The following DYM variants were observed in gnomAD, a reference collection of about 807,000 sequenced individuals.
The protein encoded by DYM is dyggve-Melchior-Clausen syndrome protein.
A neutral mutation model predicts 93.1 loss-of-function variants in DYM; 78 were observed. The ratio of observed to expected loss-of-function variants is 0.84; its 90% CI spans 0.70 to 1.01. DYM has a LOEUF of 1.01. Ranked by LOEUF, DYM falls within the 50% of genes least tolerant of loss-of-function variation. The probability of loss-of-function intolerance (pLI) is 0.00; values close to 1 mark genes in which losing one functional copy is unlikely to be tolerated. For synonymous variants in DYM, 321 were observed against 319.7 expected (o/e 1.00, Z -0.04); for missense variants, 789 against 845.0 (o/e 0.93, Z 0.82).
At chr18:49,132,442 A>G (rs1319653853) in intron 15 of DYM, among the ~76,000 whole-genome samples, 1 of 152,152 alleles carries the variant, frequency 6.6e-6, no homozygotes, top group African/African-American at 2.4e-5. Flanking sequence ...GAGAATAACC[A>G]TGAAAAAAGG....
rs187986588 is a variant in DYM, at chr18:49,167,145, A to C, written c.1626-3358T>G. On this transcript the variant is annotated intron_variant, in intron 14 of 17. Coordinates refer to ENST00000675505, the MANE Select transcript of DYM (RefSeq NM_001353214.3). ...TAAACAGTCCTAGGGACCAGAGCAAAAAACACTTGAAACTGTTTCTTTTAG... is the reference window on the plus strand; with the variant it reads ...TAAACAGTCCTAGGGACCAGAGCAACAAACACTTGAAACTGTTTCTTTTAG... Among the ~76,000 whole-genome samples the C allele has an allele frequency of 2.3e-3, 350 of 152,138 alleles. 1 individual carries two copies. The highest frequency in any genetic ancestry group is 3.4e-3 in the Non-Finnish European group (234 of 67,986).
At chr18:49,350,574 C>T (rs142527237) in intron 6 of DYM, among the ~76,000 whole-genome samples, 6 of 151,952 alleles carry the variant, frequency 3.9e-5, no homozygotes, top group South Asian at 4.2e-4. Flanking sequence ...AGCATGGTGG[C>T]GGGCGCCTGT....
intron 17 of DYM, among the ~76,000 whole-genome samples, chr18:49,068,706 T>C (rs931382022): frequency 9.9e-5 from 15 of 152,278 alleles, no homozygotes; most frequent in East Asian, 3.9e-4. Context: ...AGAAATTCCT[T>C]TTTTTCCCTT....
chr18:49,418,445 A>C (rs189584677), intron 2 of DYM, among the ~76,000 whole-genome samples: 3 of 152,308 alleles, frequency 2.0e-5, no homozygotes, highest in African/African-American at 7.2e-5. Flanking sequence ...TAATTTTAAC[A>C]GGGTGAAAAA....
intron 8 of DYM, among the ~76,000 whole-genome samples, chr18:49,303,509 C>T (rs902720304): frequency 6.6e-6 from 1 of 152,182 alleles, no homozygotes; most frequent in African/African-American, 2.4e-5. Context: ...AGAGACAGAT[C>T]TGCAAGTGGA....
intron 6 of DYM, chr18:49,359,904 G>C (rs2065877763): frequency 6.6e-6 from 1 of 152,120 alleles, no homozygotes; most frequent in South Asian, 2.1e-4. Context: ...TACAGTTAGA[G>C]GAAATGAAAC....
chr18:49,358,991 C>G (rs2065798975), intron 6 of DYM, among the ~76,000 whole-genome samples: 1 of 152,174 alleles, frequency 6.6e-6, no homozygotes, highest in Admixed American at 6.5e-5. Context: ...TATGGCCACA[C>G]CTGACTCCAC....
intron 8 of DYM, among the ~76,000 whole-genome samples, chr18:49,313,497 A>T (rs888818086): frequency 2.9e-5 from 4 of 138,832 alleles, no homozygotes; most frequent in African/African-American, 8.4e-5. Context: ...AAAAAAAAAA[A>T]GGGCTGCAGT....
Position 49,430,371 on chromosome 18 carries a change from G to A in DYM, c.24C>T (p.Ile8=), listed in dbSNP as rs759732045. Residue 8 remains isoleucine, a synonymous_variant, in exon 2 of 18, where the codon ATC becomes ATT. Coordinates refer to ENST00000675505, the MANE Select transcript of DYM (RefSeq NM_001353214.3). ...AGTACTCATTTTTAGGAAGATCGCCGATTCTGCTGCTATTCGATCCCATCT... is the reference window on the plus strand; with the variant it reads ...AGTACTCATTTTTAGGAAGATCGCCAATTCTGCTGCTATTCGATCCCATCT... MGSNSSR[I]GDLPKNEYLK... The A allele has an allele frequency of 1.8e-5, 29 of 1,613,636 alleles. No homozygotes were observed. The highest frequency in any genetic ancestry group is 1.6e-4 in the Middle Eastern group (1 of 6,082).
chr18:49,080,143 G>A (rs1371384033), intron 17 of DYM, among the ~76,000 whole-genome samples: 1 of 34,768 alleles, frequency 2.9e-5, no homozygotes, highest in East Asian at 5.7e-4. Context: ...CGGACGGGGC[G>A]GCTGGCCGGG....
chr18:49,036,566 T>C lies in DYM; in HGVS notation c.*7489A>G, dbSNP rs539918976. Among the ~76,000 whole-genome samples the C allele has an allele frequency of 4.6e-5, 7 of 152,282 alleles. No homozygotes were observed. The highest frequency in any genetic ancestry group is 1.7e-4 in the African/African-American group (7 of 41,548). On this transcript the variant is annotated 3_prime_UTR_variant, in exon 18 of 18. Transcript: ENST00000675505. ...TTCTCTTAAATATGTATACATATTT[T>C]TGAGACACGGTCTCTCACTCCATTG...
chr18:49,161,715 G>A (rs903923391), intron 15 of DYM, among the ~76,000 whole-genome samples: 2 of 152,142 alleles, frequency 1.3e-5, no homozygotes, highest in African/African-American at 2.4e-5. Context: ...AATACCTTAA[G>A]GGGATGACAG....
intron 15 of DYM, among the ~76,000 whole-genome samples, chr18:49,142,979 C>T (rs549872202): frequency 9.8e-4 from 149 of 152,290 alleles, no homozygotes; most frequent in Middle Eastern, 6.8e-3. Context: ...AGATCAATTT[C>T]GTTCAGGAAG....
chr18:49,307,273 T>C (rs568915733), intron 8 of DYM, among the ~76,000 whole-genome samples: 95 of 152,190 alleles, frequency 6.2e-4, no homozygotes, highest in Middle Eastern at 3.4e-3. Flanking sequence ...CATTGCCTCA[T>C]CATGGTCAAA....
chr18:49,362,044 T>TA (rs2066073702), intron 6 of DYM, among the ~76,000 whole-genome samples: 1 of 150,176 alleles, frequency 6.7e-6, no homozygotes, highest in South Asian at 2.1e-4. Flanking sequence ...TTTTTTTTTT[T>TA]AAGTAGAGAC....
chr18:49,377,938 T>G (rs557603089), intron 5 of DYM, among the ~76,000 whole-genome samples: 21 of 152,218 alleles, frequency 1.4e-4, no homozygotes, highest in Non-Finnish European at 2.6e-4. Flanking sequence ...GTCAGCCTGA[T>G]GAGGGCAGAG....
At chr18:49,329,605 A>C (rs1279456398) in intron 8 of DYM, 2 of 152,212 alleles carry the variant, frequency 1.3e-5, no homozygotes, top group Non-Finnish European at 2.9e-5. Flanking sequence ...CAAGTGGTTC[A>C]CTACTCATCC....
At chr18:49,046,291 A>G (rs1331926777) in intron 17 of DYM, among the ~76,000 whole-genome samples, 1 of 143,152 alleles carries the variant, frequency 7.0e-6, no homozygotes, top group Non-Finnish European at 1.5e-5. Flanking sequence ...CAACACACCC[A>G]GACATGCGCG....
rs1054882878 is a variant in DYM at position 49,340,055 on chromosome 18, G to A, written c.495-6202C>T. 5.9e-5 allele frequency among the ~76,000 whole-genome samples: 9 copies of A among 152,006 alleles called. No individual in the cohort carries two copies. The South Asian group carries it at 8.3e-4, about 14-fold the overall frequency. On this transcript the variant is annotated intron_variant, in intron 6 of 17. Transcript: ENST00000675505. ...AAGCTCCGCCTCCTGGATTCACGCC[G>A]TTCTCCTGCCTCAGCCTCTCGAGTA...
Sources: gnomAD v4.1 joint callset for allele counts (sites outside exome capture counted in the v4.1 genomes callset) on GRCh38, gnomAD v4.1.1 for gene constraint, MANE v1.5 for transcripts, NCBI Gene and HGNC (gene_info 2026-07-23, HGNC 2026-07-21) for gene names.